Variants in ZFC3H1 observed in about 807,000 individuals in gnomAD.
ZFC3H1 encodes the protein zinc finger C3H1-type containing.
ZFC3H1 carries 71 observed loss-of-function variants against 243.7 expected under a neutral mutation model. The ratio of observed to expected loss-of-function variants is 0.29; its 90% CI spans 0.24 to 0.36. The LOEUF is 0.36. ZFC3H1 is among the 10% of genes least tolerant of loss of function. The pLI is 1.00. For synonymous variants in ZFC3H1, 838 were observed against 813.0 expected, an observed-to-expected ratio of 1.03 and a Z score of -0.52; for missense variants, 1,966 against 2,317.1, an observed-to-expected ratio of 0.85 and a Z score of 3.11.
chr12:71,616,512 C>T (rs897168112), intron 27 of ZFC3H1, among the ~76,000 whole-genome samples: 2 of 152,126 alleles, frequency 1.3e-5, no homozygotes, highest in Non-Finnish European at 1.5e-5. Context: ...ACAATACTTA[C>T]TAGGATTATA....
chr12:71,626,745 A>C (rs910880647), intron 21 of ZFC3H1, among the ~76,000 whole-genome samples: 2 of 152,226 alleles, frequency 1.3e-5, no homozygotes, highest in Admixed American at 6.5e-5. Flanking sequence ...CTTTATGTCC[A>C]TATTCAGCAA....
In ZFC3H1 at chr12:71,663,828, C is replaced by T. The variant is rs1881265322; in HGVS notation, c.-218G>A. On this transcript the variant is annotated 5_prime_UTR_variant, in exon 1 of 35. Transcript: ENST00000378743. ...AGTTCCCTTTCCTAGCGCCCCCTTG[C>T]TCCTCAGCGATCGGGGTTCTTCCGC... 1.7e-6 allele frequency: 1 copy of T among 590,464 alleles called. No individual in the cohort carries two copies. Among genetic ancestry groups the T allele is most frequent in the Non-Finnish European group, 3.0e-6 (1 of 336,844 alleles). The allele number at this position is 590,464 out of a possible 1,614,324, so 36.6% of individuals were successfully genotyped here.
chr12:71,652,461 A>G (rs1311407701), intron 2 of ZFC3H1, among the ~76,000 whole-genome samples: 1 of 152,140 alleles, frequency 6.6e-6, no homozygotes, highest in Non-Finnish European at 1.5e-5. Context: ...GTTATCTCTC[A>G]CACTGCACAC....
intron 2 of ZFC3H1, 154 bp downstream of exon 2, chr12:71,656,731 T>C (rs1881027691): frequency 3.9e-6 from 3 of 776,244 alleles, no homozygotes; most frequent in Non-Finnish European, 5.9e-6. Flanking sequence ...TAAACAAAAT[T>C]AGTAATTATT....
Position 71,623,610 on chromosome 12 carries a change from T to TA in ZFC3H1, c.4507-14dup, listed in dbSNP as rs1565807582. On this transcript the variant is annotated splice_polypyrimidine_tract_variant and intron_variant, in intron 23 of 34. Transcript: ENST00000378743. ...ATTTCAATGCATTCTAGGCAAAATT[T>TA]AAAATTTTTTGATAAAAAAATTAGA... 6.4e-7 allele frequency: 1 copy of TA among 1,567,558 alleles called. No individual in the cohort carries two copies. Among genetic ancestry groups the TA allele is most frequent in the Non-Finnish European group, 8.6e-7 (1 of 1,160,292 alleles).
At chr12:71,617,624 T>C (rs1460920621) in intron 27 of ZFC3H1, among the ~76,000 whole-genome samples, 2 of 152,204 alleles carry the variant, frequency 1.3e-5, no homozygotes, top group Admixed American at 1.3e-4. Context: ...CCAGCAAGTC[T>C]CTAAAGAGTT....
At chr12:71,628,110 C>A (rs1880216386) in intron 20 of ZFC3H1, among the ~76,000 whole-genome samples, 176 bp from the exon 21 acceptor site, 1 of 152,126 alleles carries the variant, frequency 6.6e-6, no homozygotes, top group Non-Finnish European at 1.5e-5. Context: ...CAAACCAGGA[C>A]CCTTCTGAGT....
chr12:71,632,614 TATA>T (rs1170386363), intron 14 of ZFC3H1, 100 bp from the exon 15 acceptor site: 1 of 1,375,340 alleles, frequency 7.3e-7, no homozygotes, highest in Admixed American at 2.7e-5. Context: ...ATGCCAACAT[TATA>T]AAACTAAATC....
intron 22 of ZFC3H1, among the ~76,000 whole-genome samples, chr12:71,625,856 T>C (rs1880151268): frequency 1.3e-5 from 2 of 152,226 alleles, no homozygotes; most frequent in Non-Finnish European, 2.9e-5. Context: ...GACAAAAATG[T>C]TTCCTGGCAG....
rs377232932 is a variant in ZFC3H1, at chr12:71,610,713, A to G, written c.5814T>C (p.Cys1938=). The G allele has an allele frequency of 2.2e-5, 36 of 1,613,306 alleles. No individual in the cohort carries two copies. The highest frequency in any genetic ancestry group is 2.9e-5 in the Non-Finnish European group (34 of 1,179,646). ...YQRALQKLPL[C]ASLWKDQLLF... ...GCATTACATCTTTCCACAGTGATGC[A>G]CAAAGAGGTAACTTCTGTAAGGCTC... is the stretch of plus-strand genomic sequence containing the variant. Residue 1938 remains cysteine (C), a synonymous_variant, in exon 34 of 35, where the codon TGT becomes TGC. Transcript: ENST00000378743.
Position 71,644,181 on chromosome 12 carries a change from T to C in ZFC3H1, c.1417A>G (p.Arg473Gly). ...TGATTTGAGAGATCTCGAATTTTTC[T>C]GATTTCTTCCTCTCTTTTCCTTCTC... ...EERRKREEEI[R>G]KIRDLSNQEE... The change falls in exon 5 of 35, where the codon AGA (arginine) becomes GGA (glycine). Residue 473 changes from arginine (R) to glycine (G), a missense_variant. Physicochemically the swap from Arg to Gly is moderately radical, Grantham distance 125. Around this residue, in one of 4 missense-constraint regions of ZFC3H1, gnomAD observed 8 missense variants for 36.0 expected, o/e 0.22. Coordinates refer to ENST00000378743, the MANE Select transcript of ZFC3H1 (RefSeq NM_144982.5). 1 of 1,613,780 alleles carries C rather than the reference T, an allele frequency of 6.2e-7. No individual in the cohort carries two copies. Among genetic ancestry groups the C allele is most frequent in the East Asian group, 2.2e-5 (1 of 44,822 alleles).
At chr12:71,615,173 G>A (rs754707592) in intron 28 of ZFC3H1, 33 bp downstream of exon 28, 17 of 1,486,794 alleles carry the variant, frequency 1.1e-5, no homozygotes, top group East Asian at 1.1e-4. Flanking sequence ...TGCAGGCCTA[G>A]TATGCAATAT....
Position 71,663,730 on chromosome 12 carries a change from C to A in ZFC3H1, c.-120G>T. The A allele has an allele frequency of 1.6e-6, 2 of 1,245,954 alleles. No individual in the cohort carries two copies. Among genetic ancestry groups the A allele is most frequent in the Non-Finnish European group, 2.2e-6 (2 of 900,452 alleles). 77.2% of individuals were successfully genotyped at this position (1,245,954 alleles called of 1,614,324 possible). A position where few individuals can be genotyped will look rare whatever the true frequency, so the allele number is the denominator to read the frequency against. On this transcript the variant is annotated 5_prime_UTR_variant, in exon 1 of 35. Transcript: ENST00000378743. Reference sequence around the variant, plus strand: ...GGTGCGGTCTTACCCTACTCGGACACCAAGCGGCCTCTGCTCCCCAACTTC... The same window carrying A: ...GGTGCGGTCTTACCCTACTCGGACAACAAGCGGCCTCTGCTCCCCAACTTC...
intron 12 of ZFC3H1, 55 bp from the exon 13 acceptor site, chr12:71,633,493 CA>C: frequency 7.1e-7 from 1 of 1,412,148 alleles, no homozygotes; most frequent in Non-Finnish European, 9.4e-7. Context: ...AGCAGACTGT[CA>C]GAATAAAAAA....
intron 2 of ZFC3H1, chr12:71,656,219 G>C (rs1177714202): frequency 4.7e-6 from 1 of 213,076 alleles, no homozygotes; most frequent in Non-Finnish European, 9.2e-6. Context: ...GTTACCCACT[G>C]TCTACATTTG....
At position 71,619,388 on chromosome 12, in the gene ZFC3H1, G is replaced by C. The variant is rs370389675; in HGVS notation, c.5071C>G (p.Pro1691Ala). 1.7e-5 allele frequency: 28 copies of C among 1,613,456 alleles called. No individual in the cohort carries two copies. The highest frequency in any genetic ancestry group is 2.2e-5 in the Non-Finnish European group (26 of 1,179,760). The change falls in exon 27 of 35, where the codon CCA (proline) becomes GCA (alanine). Residue 1691 changes from proline to alanine, a missense_variant. Pro to Ala is a conservative substitution (Grantham distance 27). This residue lies in a region of ZFC3H1 where 1,383 missense variants were observed against 1,723.7 expected (regional missense o/e 0.80). Transcript: ENST00000378743. Reference sequence around the variant, plus strand: ...GATGCAATAAATTTCCGCAAAAATGGAAGAAGATTATCGCCTCGATTCTAT... The same window carrying C: ...GATGCAATAAATTTCCGCAAAAATGCAAGAAGATTATCGCCTCGATTCTAT... ...ILQNRGDNLL[P>A]FLRKFIASFF...
At chr12:71,616,520 A>T (rs1433430054) in intron 27 of ZFC3H1, among the ~76,000 whole-genome samples, 1 of 152,220 alleles carries the variant, frequency 6.6e-6, no homozygotes, top group Non-Finnish European at 1.5e-5. Context: ...TACTAGGATT[A>T]TAGGTCAATC....
At chr12:71,653,190 T>C (rs1880934549) in intron 2 of ZFC3H1, among the ~76,000 whole-genome samples, 2 of 152,046 alleles carry the variant, frequency 1.3e-5, no homozygotes, top group African/African-American at 2.4e-5. Context: ...GTGGAAAGAA[T>C]GATCAAAGTG....
chr12:71,645,055 C>T lies in ZFC3H1; in HGVS notation c.1101G>A (p.Glu367=), dbSNP rs1213221346. Residue 367 remains glutamate (E), a synonymous_variant, in exon 4 of 35, where the codon GAG becomes GAA. Coordinates refer to ENST00000378743, the MANE Select transcript of ZFC3H1 (RefSeq NM_144982.5). ...LSEKKLGEDE[E]ELSELQLRLL... ...GGCGAAGCTGTAATTCAGATAGTTCCTCTTCATCTTCACCAAGTTTCTTTA... is the reference window on the plus strand; with the variant it reads ...GGCGAAGCTGTAATTCAGATAGTTCTTCTTCATCTTCACCAAGTTTCTTTA... The T allele has an allele frequency of 2.5e-6, 4 of 1,603,632 alleles. No homozygotes were observed. The highest frequency in any genetic ancestry group is 1.7e-6 in the Non-Finnish European group (2 of 1,177,666).
Sources: allele counts gnomAD v4.1 joint callset (sites outside exome capture counted in the v4.1 genomes callset), GRCh38; gene constraint gnomAD v4.1.1; regional missense constraint gnomAD v4.1.1; transcripts MANE v1.5; gene names NCBI Gene and HGNC (gene_info 2026-07-23, HGNC 2026-07-21).